The following RECK variants were observed in gnomAD, a reference collection of about 807,000 sequenced individuals.
The protein encoded by RECK is reversion inducing cysteine rich protein with kazal motifs.
A neutral mutation model predicts 115.1 loss-of-function variants in RECK; 69 were observed. The ratio of observed to expected loss-of-function variants is 0.60; its 90% CI spans 0.49 to 0.73. The LOEUF is 0.73. RECK is among the 30% of genes least tolerant of loss of function. The probability of loss-of-function intolerance (pLI) is 0.00; values close to 1 mark genes in which losing one functional copy is unlikely to be tolerated. For missense variants in RECK, 1,047 were observed against 1,203.7 expected, an observed-to-expected ratio of 0.87 and a Z score of 1.93; for synonymous variants, 414 against 419.7, an observed-to-expected ratio of 0.99 and a Z score of 0.17.
intron 7 of RECK, among the ~76,000 whole-genome samples, chr9:36,081,791 G>A (rs979124575): frequency 8.1e-5 from 12 of 148,364 alleles, no homozygotes; most frequent in Admixed American, 1.4e-4. Context: ...CCAAGATCGC[G>A]CCACTGCACT....
intron 1 of RECK, among the ~76,000 whole-genome samples, chr9:36,038,190 G>T (rs1231470343): frequency 6.6e-6 from 1 of 151,936 alleles, no homozygotes; most frequent in Non-Finnish European, 1.5e-5. Flanking sequence ...GTGTATGCCT[G>T]TTGTTCCAGC....
chr9:36,073,277 C>T (rs893591386), intron 6 of RECK, among the ~76,000 whole-genome samples: 9 of 148,574 alleles, frequency 6.1e-5, no homozygotes, highest in East Asian at 4.0e-4. Flanking sequence ...CACACACACA[C>T]ATCCATCCCA....
intron 12 of RECK, among the ~76,000 whole-genome samples, chr9:36,103,081 G>T (rs1371330061): frequency 1.3e-5 from 2 of 152,166 alleles, no homozygotes; most frequent in Non-Finnish European, 2.9e-5. Flanking sequence ...CTCATTGAGG[G>T]ATCCTGGAGC....
chr9:36,041,482 T>C (rs1355701142), intron 1 of RECK, among the ~76,000 whole-genome samples: 1 of 152,222 alleles, frequency 6.6e-6, no homozygotes, highest in Non-Finnish European at 1.5e-5. Flanking sequence ...TGTTTCATAA[T>C]GATCAATGTC....
intron 6 of RECK, among the ~76,000 whole-genome samples, chr9:36,069,163 G>T (rs1259184502): frequency 1.3e-5 from 2 of 152,094 alleles, no homozygotes; most frequent in Non-Finnish European, 2.9e-5. Flanking sequence ...AATAGAATCA[G>T]ACCTAAAGAT....
At chr9:36,058,508 G>A (rs1280120943) in intron 2 of RECK, among the ~76,000 whole-genome samples, 4 of 112,570 alleles carry the variant, frequency 3.6e-5, no homozygotes, top group African/African-American at 1.0e-4. Context: ...GTTGTGGGGT[G>A]GGGGGAGGGG....
intron 16 of RECK, among the ~76,000 whole-genome samples, chr9:36,112,697 G>A (rs777840936): frequency 1.1e-4 from 16 of 152,184 alleles, no homozygotes; most frequent in Non-Finnish European, 1.6e-4. Context: ...GGAAGGCCCT[G>A]GGGGAGCCTC....
At chr9:36,108,955 AG>A (rs1823926385) in intron 14 of RECK, among the ~76,000 whole-genome samples, 1 of 151,848 alleles carries the variant, frequency 6.6e-6, no homozygotes, top group Non-Finnish European at 1.5e-5. Flanking sequence ...CTTCAACCAT[AG>A]TAGTTCAGCT....
intron 13 of RECK, among the ~76,000 whole-genome samples, chr9:36,106,364 A>T (rs1307629092): frequency 6.6e-6 from 1 of 151,000 alleles, no homozygotes; most frequent in Non-Finnish European, 1.5e-5. Context: ...CCTCCCAAAT[A>T]GCTGGGATTA....
intron 10 of RECK, among the ~76,000 whole-genome samples, chr9:36,095,506 T>C (rs1334464970): frequency 6.6e-6 from 1 of 152,182 alleles, no homozygotes; most frequent in African/African-American, 2.4e-5. Context: ...AAAACCGACA[T>C]GGACATTAAA....
chr9:36,063,243 C>T (rs1179338705), intron 4 of RECK, among the ~76,000 whole-genome samples: 1 of 152,126 alleles, frequency 6.6e-6, no homozygotes, highest in Non-Finnish European at 1.5e-5. Flanking sequence ...AATACATGGT[C>T]ATTTTGCCCC....
rs1564130751 is a variant in RECK, at chr9:36,104,299, T to TGC, written c.1436-844_1436-843insGC. On this transcript the variant is annotated intron_variant, in intron 12 of 20. Transcript: ENST00000377966. Reference sequence around the variant, plus strand: ...GCATGTGTGTGTGTGTGTGTATATATATATATATATATATATATATATATA... The same window carrying TGC: ...GCATGTGTGTGTGTGTGTGTATATATGCATATATATATATATATATATATATA... 7.8e-3 allele frequency among the ~76,000 whole-genome samples: 453 copies of TGC among 57,934 alleles called. 27 individuals are homozygous for TGC. The highest frequency in any genetic ancestry group is 0.041 in the African/African-American group (403 of 9,822). The allele number at this position is 57,934 out of a possible 152,430, so 38.0% of individuals were successfully genotyped here.
rs1001795753 is a variant in RECK, at chr9:36,094,671, A to G, written c.1085+3328A>G. 6.6e-6 allele frequency among the ~76,000 whole-genome samples: 1 copy of G among 152,196 alleles called. No individual in the cohort carries two copies. The highest frequency in any genetic ancestry group is 6.5e-5 in the Admixed American group (1 of 15,280). ...AAGGCAGAGGTTGTTAGAAAGACAA[A>G]GACTATTATTGGAGATAAAGAGTAT... is the stretch of plus-strand genomic sequence containing the variant. On this transcript the variant is annotated intron_variant, in intron 10 of 20. Coordinates refer to ENST00000377966, the MANE Select transcript of RECK (RefSeq NM_021111.3). This position sits in a 1 kb window ranked among gnomAD's most constrained non-coding sequence, Gnocchi z 4.1.
intron 16 of RECK, among the ~76,000 whole-genome samples, chr9:36,114,441 G>A (rs886443701): frequency 5.3e-5 from 8 of 152,210 alleles, no homozygotes; most frequent in African/African-American, 1.9e-4. Flanking sequence ...ATACAAGAGG[G>A]AGCTGGAGGA....
intron 17 of RECK, among the ~76,000 whole-genome samples, chr9:36,118,323 C>T (rs1824339280): frequency 1.3e-5 from 2 of 152,146 alleles, no homozygotes; most frequent in African/African-American, 2.4e-5. Flanking sequence ...AGTCTGTCTA[C>T]CCCACTGCTC....
chr9:36,043,191 A>ATTTTTTTTTTTTTTTT (rs761649232), intron 1 of RECK, among the ~76,000 whole-genome samples: 1 of 54,000 alleles, frequency 1.9e-5, no homozygotes, highest in Non-Finnish European at 3.2e-5. Flanking sequence ...CGCCTGGCTA[A>ATTTTTTTTTTTTTTTT]TTTTTTTTTT....
intron 9 of RECK, among the ~76,000 whole-genome samples, chr9:36,090,404 T>A (rs1823115305): frequency 1.3e-5 from 2 of 152,180 alleles, no homozygotes. Context: ...GATATCTTTG[T>A]CATAGGGGTA....
chr9:36,116,939 A>C, intron 16 of RECK, 46 bp from the exon 17 acceptor site: 1 of 1,514,582 alleles, frequency 6.6e-7, no homozygotes, highest in Non-Finnish European at 9.0e-7. Flanking sequence ...GCCCCACCAC[A>C]GTCCCTCCCT....
chr9:36,118,689 G>A, intron 17 of RECK, 68 bp from the exon 18 acceptor site: 1 of 1,443,496 alleles, frequency 6.9e-7, no homozygotes, highest in Non-Finnish European at 9.6e-7. Context: ...GAGGCATGCT[G>A]TGTACTCTTG....
Sources: gnomAD v4.1 joint callset for allele counts (sites outside exome capture counted in the v4.1 genomes callset) on GRCh38, gnomAD v4.1.1 for gene constraint, Gnocchi (gnomAD v3.1) non-coding constraint, MANE v1.5 for transcripts, NCBI Gene and HGNC (gene_info 2026-07-23, HGNC 2026-07-21) for gene names.